CELSR2: variants seen among roughly 807,000 people sequenced by gnomAD.
CELSR2 encodes cadherin EGF LAG seven-pass G-type receptor 2, also known as EGF-like protein 2.
A neutral mutation model predicts 251.6 loss-of-function variants in CELSR2; 81 were observed. The ratio of observed to expected loss-of-function variants is 0.32; its 90% CI spans 0.27 to 0.39. The LOEUF is 0.39. Ranked by LOEUF, CELSR2 falls within the 10% of genes least tolerant of loss-of-function variation. The pLI is 1.00. For synonymous variants in CELSR2, 1,721 were observed against 1,670.5 expected, an observed-to-expected ratio of 1.03 and a Z score of -0.74; for missense variants, 3,365 against 3,947.7, an observed-to-expected ratio of 0.85 and a Z score of 3.96.
chr1:109,267,074 A>G (rs1656218159), intron 15 of CELSR2, among the ~76,000 whole-genome samples: 1 of 152,086 alleles, frequency 6.6e-6, no homozygotes, highest in Admixed American at 6.5e-5. Context: ...TGCTTGGCAT[A>G]GGGCTGTGCT....
Position 109,269,240 on chromosome 1 carries a change from C to G in CELSR2, c.6762C>G (p.Thr2254=). ...EAVASVIIYR[T]LAGLLPHNYD... ...TGGCCAGCGTCATCATCTACCGCAC[C>G]CTGGCCGGGCTACTGCCTCATAACT... Residue 2254 remains threonine (T), a synonymous_variant, in exon 20 of 34, where the codon ACC becomes ACG. Transcript: ENST00000271332. The surrounding 1 kb of genome is among the most constrained non-coding windows in gnomAD (Gnocchi z 6.4). 1 of 1,613,042 alleles carries G rather than the reference C, an allele frequency of 6.2e-7. No homozygotes were observed. The highest frequency in any genetic ancestry group is 8.5e-7 in the Non-Finnish European group (1 of 1,179,922).
intron 16 of CELSR2, 51 bp from the exon 17 acceptor site, chr1:109,267,800 T>C (rs1479472544): frequency 6.3e-7 from 1 of 1,584,392 alleles, no homozygotes; most frequent in Non-Finnish European, 8.6e-7. Context: ...GAGGTCCTTT[T>C]GCTCCAGAGT....
chr1:109,263,250 G>A lies in CELSR2; in HGVS notation c.4817G>A (p.Gly1606Asp). 2 of 1,583,322 alleles carry A rather than the reference G, an allele frequency of 1.3e-6. No homozygotes were observed. The highest frequency in any genetic ancestry group is 1.7e-5 in the Admixed American group (1 of 58,692). ...TGCGAGTGCCCCCTGGGCTTTGGGG[G>A]CAAGAGCTGCGCCCAGGGTAGGAGG... ...FSCECPLGFG[G>D]KSCAQEMANP... Residue 1606 changes from glycine to aspartate, a missense_variant, in exon 8 of 34, where the codon GGC becomes GAC. By Grantham distance (94) the Gly-to-Asp change is moderately conservative. This residue lies in a region of CELSR2 where 2,093 missense variants were observed against 2,382.8 expected (regional missense o/e 0.88). Transcript: ENST00000271332.
Position 109,269,448 on chromosome 1 carries a change from C to T in CELSR2, c.6837C>T (p.Asn2279=). ...SLRVPKRPII[N]TPVVSISVHD... The stretch of plus-strand genomic sequence containing the variant: ...GAGTCCCCAAACGCCCGATCATCAA[C>T]ACACCCGTGGTGAGCATCAGCGTCC... The change falls in exon 21 of 34, where the codon AAC becomes AAT. Residue 2279 remains asparagine, a synonymous_variant. Coordinates refer to ENST00000271332, the MANE Select transcript of CELSR2 (RefSeq NM_001408.3). This position sits in a 1 kb window ranked among gnomAD's most constrained non-coding sequence, Gnocchi z 6.4. The T allele has an allele frequency of 6.2e-7, 1 of 1,614,006 alleles. No individual in the cohort carries two copies. Among genetic ancestry groups the T allele is most frequent in the Middle Eastern group, 1.6e-4 (1 of 6,062 alleles).
In CELSR2 at chr1:109,271,660, C is replaced by T. The variant is rs760346107; in HGVS notation, c.7864C>T (p.Leu2622Phe). The T allele has an allele frequency of 1.2e-6, 2 of 1,614,034 alleles. No homozygotes were observed. Residue 2622 changes from leucine (L) to phenylalanine (F), a missense_variant, in exon 28 of 34, where the codon CTT becomes TTT. Physicochemically the swap from Leu to Phe is conservative, Grantham distance 22. Transcript: ENST00000271332. ...CAAGGAGGTCCGGAAAGCACTCAAG[C>T]TTGCCTGCAGCCGCAAGCCCAGCCC... ...LSKEVRKALK[L>F]ACSRKPSPDP...
In CELSR2 at chr1:109,263,157, A is replaced by G; in HGVS notation, c.4724A>G (p.Lys1575Arg). The change falls in exon 8 of 34, where the codon AAG becomes AGG. Residue 1575 changes from lysine to arginine, a missense_variant. Transcript: ENST00000271332. ...NGTVPGCPAK[K>R]NVCDSNTCHN... ...TCCATTCCAGGCTGCCCTGCCAAGA[A>G]GAACGTGTGTGACAGCAACACTTGC... 6.3e-7 allele frequency: 1 copy of G among 1,598,238 alleles called. No homozygotes were observed. The highest frequency in any genetic ancestry group is 8.6e-7 in the Non-Finnish European group (1 of 1,167,002).
At position 109,252,887 on chromosome 1, in the gene CELSR2, T is replaced by C; in HGVS notation, c.2808T>C (p.Ile936=). 6.2e-7 allele frequency: 1 copy of C among 1,612,772 alleles called. No homozygotes were observed. The highest frequency in any genetic ancestry group is 2.2e-5 in the East Asian group (1 of 44,856). Residue 936 remains isoleucine (I), a synonymous_variant, in exon 1 of 34, where the codon ATT becomes ATC. Transcript: ENST00000271332. This position sits in a 1 kb window ranked among gnomAD's most constrained non-coding sequence, Gnocchi z 4.8. ...TGTTTGTGGAAGAGAACAGCCCCAT[T>C]GGGCTAGCCGTGGCCCGGGTCACAG... ...FDVFVEENSP[I]GLAVARVTAT... is the part of the protein sequence containing the mutation.
rs36115271 is a variant in CELSR2 at position 109,266,721 on chromosome 1, C to CT, written c.6013+532dup. 1.9e-3 allele frequency among the ~76,000 whole-genome samples: 226 copies of CT among 120,106 alleles called. 1 individual carries two copies. Among genetic ancestry groups the CT allele is most frequent in the African/African-American group, 5.7e-3 (185 of 32,446 alleles). The allele number at this position is 120,106 out of a possible 152,430, so 78.8% of individuals were successfully genotyped here. ...CCACTGCACCCCACCACATTTTGGA[C>CT]TTTTTTTTTTTTTTTTTGAGACGGA... On this transcript the variant is annotated intron_variant, in intron 15 of 33. Coordinates refer to ENST00000271332, the MANE Select transcript of CELSR2 (RefSeq NM_001408.3).
rs75814371 is a variant in CELSR2 at position 109,262,191 on chromosome 1, A to G, written c.4387-96A>G. 0.01 allele frequency: 15,776 copies of G among 1,503,748 alleles called. 1,272 individuals are homozygous for G. In the African/African-American group the frequency reaches 0.19, roughly 18 times the overall value. 93.2% of individuals were successfully genotyped at this position (1,503,748 alleles called of 1,614,324 possible). On this transcript the variant is annotated intron_variant, in intron 5 of 33. Transcript: ENST00000271332. Reference sequence around the variant, plus strand: ...TGCATGTGTGTACGTGTGTCTGGGCATGTGGGTGCACACAGAGGCACCCAG... The same window carrying G: ...TGCATGTGTGTACGTGTGTCTGGGCGTGTGGGTGCACACAGAGGCACCCAG...
chr1:109,261,066 G>T lies in CELSR2; in HGVS notation c.3983G>T (p.Arg1328Leu). 1 of 1,613,442 alleles carries T rather than the reference G, an allele frequency of 6.2e-7. No individual in the cohort carries two copies. The highest frequency in any genetic ancestry group is 8.5e-7 in the Non-Finnish European group (1 of 1,179,636). The stretch of plus-strand genomic sequence containing the variant: ...GGTGAGCACTGTGAGGTGAGTGCTC[G>T]CTCAGGCCGTTGCACCCCGGGTGTC... ...YTGEHCEVSA[R>L]SGRCTPGVCK... The change falls in exon 3 of 34, where the codon CGC becomes CTC. Residue 1328 changes from arginine to leucine, a missense_variant. Physicochemically the swap from Arg to Leu is moderately radical, Grantham distance 102. Transcript: ENST00000271332. This position sits in a 1 kb window ranked among gnomAD's most constrained non-coding sequence, Gnocchi z 4.8.
rs1655633167 is a variant in CELSR2, at chr1:109,250,038, G to A, written c.-42G>A. On this transcript the variant is annotated 5_prime_UTR_variant, in exon 1 of 34. Coordinates refer to ENST00000271332, the MANE Select transcript of CELSR2 (RefSeq NM_001408.3). This position sits in a 1 kb window ranked among gnomAD's most constrained non-coding sequence, Gnocchi z 4.4. ...GCCGGCAGGAGCCGGAGGAGGAGCC[G>A]CCGCCGCCGTTGACCCGGCCGCCGG... The A allele has an allele frequency of 3.9e-6, 5 of 1,288,926 alleles. No individual in the cohort carries two copies. The highest frequency in any genetic ancestry group is 4.9e-6 in the Non-Finnish European group (5 of 1,025,390). The allele number at this position is 1,288,926 out of a possible 1,614,324, so 79.8% of individuals were successfully genotyped here.
At chr1:109,263,385 G>C in intron 8 of CELSR2, 118 bp downstream of exon 8, 1 of 1,444,924 alleles carries the variant, frequency 6.9e-7, no homozygotes, top group Non-Finnish European at 9.2e-7. Flanking sequence ...GTGGAAAAGC[G>C]TGTCTGGGCA....
chr1:109,271,309 T>A lies in CELSR2; in HGVS notation c.7676+13T>A. ...AGAAAGGTCCTGTGTGAGTATAGGG[T>A]TGGGGTGCCTGGGCCATGGGCAGGC... On this transcript the variant is annotated intron_variant, in intron 26 of 33. Coordinates refer to ENST00000271332, the MANE Select transcript of CELSR2 (RefSeq NM_001408.3). 1 of 1,613,746 alleles carries A rather than the reference T, an allele frequency of 6.2e-7. No individual in the cohort carries two copies. Among genetic ancestry groups the A allele is most frequent in the East Asian group, 2.2e-5 (1 of 44,848 alleles).
chr1:109,263,080 C>T, intron 7 of CELSR2, 62 bp from the exon 8 acceptor site: 1 of 1,579,484 alleles, frequency 6.3e-7, no homozygotes, highest in South Asian at 1.1e-5. Flanking sequence ...CTAACTGCTG[C>T]CACAGGCTTT....
At chr1:109,266,848 T>A (rs1656210500) in intron 15 of CELSR2, among the ~76,000 whole-genome samples, 2 of 150,606 alleles carry the variant, frequency 1.3e-5, no homozygotes, top group African/African-American at 4.9e-5. Context: ...GCCTTCCGAG[T>A]AGCTGGTACT....
Position 109,261,328 on chromosome 1 carries a change from T to C in CELSR2, c.4181+64T>C. On this transcript the variant is annotated intron_variant, in intron 3 of 33. Coordinates refer to ENST00000271332, the MANE Select transcript of CELSR2 (RefSeq NM_001408.3). The surrounding 1 kb of genome is among the most constrained non-coding windows in gnomAD (Gnocchi z 4.8). ...TGGGCATCTGAGGTGCCTCCTGTTC[T>C]GTGGTTGAAGTAAGAGGTCAGGCAG... 2.0e-6 allele frequency: 3 copies of C among 1,521,710 alleles called. No individual in the cohort carries two copies. The South Asian group carries it at 3.5e-5, about 18-fold the overall frequency. The allele number at this position is 1,521,710 out of a possible 1,614,324, so 94.3% of individuals were successfully genotyped here.
In CELSR2 at chr1:109,273,240, G is replaced by A. The variant is rs61799458; in HGVS notation, c.8413G>A (p.Gly2805Arg). Residue 2805 changes from glycine (G) to arginine (R), a missense_variant, in exon 32 of 34, where the codon GGG (glycine) becomes AGG (arginine). Physicochemically the swap from Gly to Arg is moderately radical, Grantham distance 125. Around this residue, in one of 5 missense-constraint regions of CELSR2, gnomAD observed 2,093 missense variants for 2,382.8 expected, o/e 0.88. Coordinates refer to ENST00000271332, the MANE Select transcript of CELSR2 (RefSeq NM_001408.3). ...GTTAKESSGN[G>R]APEERLRENG... ...CACAGCAAAAGAGAGTAGTGGCAAC[G>A]GGGCCCCTGAGGAGCGGCTGCGGGA... 5.1e-4 allele frequency: 821 copies of A among 1,613,164 alleles called. 3 individuals carry two copies. In the African/African-American group the frequency reaches 9.5e-3, roughly 19 times the overall value.
In CELSR2 at chr1:109,266,093, T is replaced by C. The variant is rs1656179162; in HGVS notation, c.5912-12T>C. ...GAGCTGCTCCTGGGTGACCATGTGC[T>C]CTTCCCCGCAGTGAATTATGACAGC... On this transcript the variant is annotated splice_polypyrimidine_tract_variant and intron_variant, in intron 14 of 33. Coordinates refer to ENST00000271332, the MANE Select transcript of CELSR2 (RefSeq NM_001408.3). 1.2e-6 allele frequency: 2 copies of C among 1,613,548 alleles called. No homozygotes were observed. Among genetic ancestry groups the C allele is most frequent in the Non-Finnish European group, 1.7e-6 (2 of 1,179,818 alleles).
chr1:109,259,555 C>T (rs900430350), intron 2 of CELSR2, among the ~76,000 whole-genome samples: 3 of 152,164 alleles, frequency 2.0e-5, no homozygotes, highest in African/African-American at 7.2e-5. Context: ...GTGACTTGCT[C>T]CTGGTCTCAT....
Sources: gnomAD v4.1 joint callset for allele counts (sites outside exome capture counted in the v4.1 genomes callset) on GRCh38, gnomAD v4.1.1 for gene constraint, gnomAD v4.1.1 regional missense constraint, Gnocchi (gnomAD v3.1) non-coding constraint, MANE v1.5 for transcripts, NCBI Gene and HGNC (gene_info 2026-07-23, HGNC 2026-07-21) for gene names.